PACRG: variants seen among roughly 807,000 people sequenced by gnomAD.
PACRG encodes the protein parkin coregulated gene protein.
In PACRG, 29 loss-of-function variants were observed where a neutral mutation model predicts 29.7. The ratio of observed to expected loss-of-function variants is 0.98; its 90% confidence interval spans 0.73 to 1.33. The LOEUF (loss-of-function observed/expected upper bound fraction) is 1.33. Ranked by LOEUF, PACRG falls within the 40% of genes most tolerant of loss-of-function variation. The probability of loss-of-function intolerance (pLI) is 0.00; values close to 1 mark genes in which losing one functional copy is unlikely to be tolerated. For synonymous variants in PACRG, 116 were observed against 118.7 expected (o/e 0.98, Z 0.15); for missense variants, 279 against 316.2 (o/e 0.88, Z 0.89).
intron 2 of PACRG, among the ~76,000 whole-genome samples, chr6:162,970,929 G>A (rs1313565738): frequency 6.6e-6 from 1 of 152,186 alleles, no homozygotes; most frequent in Admixed American, 6.5e-5. Flanking sequence ...CAGTGGCCAT[G>A]GGTTGTGTAA....
chr6:163,014,487 T>C (rs1169036552), intron 2 of PACRG, among the ~76,000 whole-genome samples: 1 of 149,994 alleles, frequency 6.7e-6, no homozygotes, highest in Non-Finnish European at 1.5e-5. Flanking sequence ...TGTATAAGTG[T>C]TCCCTTTTTT....
chr6:163,013,549 G>C (rs2128213410), intron 2 of PACRG, among the ~76,000 whole-genome samples: 1 of 152,158 alleles, frequency 6.6e-6, no homozygotes, highest in African/African-American at 2.4e-5. Context: ...TTATGTTTTG[G>C]ATGTCCTTCT....
At chr6:163,181,272 T>G (rs1461142174) in intron 4 of PACRG, among the ~76,000 whole-genome samples, 1 of 152,160 alleles carries the variant, frequency 6.6e-6, no homozygotes, top group Non-Finnish European at 1.5e-5. Flanking sequence ...GAATACGTGA[T>G]GCAACCTCCT....
chr6:162,886,631 T>C (rs540378110), intron 2 of PACRG, among the ~76,000 whole-genome samples: 25 of 152,266 alleles, frequency 1.6e-4, no homozygotes, highest in South Asian at 8.3e-4. Flanking sequence ...TTTTTTACAG[T>C]TTTCAAGTTA....
At position 162,728,364 on chromosome 6, in the gene PACRG, A is replaced by G. The variant is rs1779442897; in HGVS notation, c.129A>G (p.Thr43=). 4 of 1,613,358 alleles carry G rather than the reference A, an allele frequency of 2.5e-6. No homozygotes were observed. Among genetic ancestry groups the G allele is most frequent in the Non-Finnish European group, 2.5e-6 (3 of 1,180,026 alleles). ...ACTCTCTGGTTTCTGAGGGTTTCACAGTCAAAGCCATGATGAAAAACTCAG... is the reference window on the plus strand; with the variant it reads ...ACTCTCTGGTTTCTGAGGGTTTCACGGTCAAAGCCATGATGAAAAACTCAG... ...QPHSLVSEGF[T]VKAMMKNSVV... Residue 43 remains threonine (T), a synonymous_variant, in exon 1 of 5, where the codon ACA becomes ACG. Transcript: ENST00000366888.
intron 2 of PACRG, among the ~76,000 whole-genome samples, chr6:162,834,579 A>G: frequency 6.6e-6 from 1 of 151,772 alleles, no homozygotes; most frequent in East Asian, 1.9e-4. Context: ...CATCCTTATT[A>G]AAACTTGGAA....
intron 2 of PACRG, among the ~76,000 whole-genome samples, chr6:162,965,550 G>A (rs1397864515): frequency 6.6e-6 from 1 of 152,046 alleles, no homozygotes; most frequent in African/African-American, 2.4e-5. Flanking sequence ...ATTCATGAAG[G>A]GCTTAATCCT....
chr6:163,142,023 A>T (rs1287367224), intron 4 of PACRG, among the ~76,000 whole-genome samples: 1 of 152,146 alleles, frequency 6.6e-6, no homozygotes, highest in East Asian at 1.9e-4. Flanking sequence ...ACAAATTTAA[A>T]TAATTTATAT....
chr6:163,028,874 AG>A (rs1393238840), intron 2 of PACRG, among the ~76,000 whole-genome samples: 1 of 152,204 alleles, frequency 6.6e-6, no homozygotes, highest in Non-Finnish European at 1.5e-5. Context: ...CCAACTGGGG[AG>A]GGCAGGAAAA....
At chr6:162,988,139 T>C (rs1002269190) in intron 2 of PACRG, among the ~76,000 whole-genome samples, 8 of 152,282 alleles carry the variant, frequency 5.3e-5, no homozygotes, top group Non-Finnish European at 1.0e-4. Flanking sequence ...CAAAAGTCCA[T>C]GGTATGAGTC....
intron 2 of PACRG, among the ~76,000 whole-genome samples, chr6:162,998,248 T>C (rs1467287895): frequency 1.3e-5 from 2 of 152,200 alleles, no homozygotes; most frequent in Non-Finnish European, 2.9e-5. Context: ...GTCCTAGCTT[T>C]AAGCAGGAAT....
At chr6:162,987,840 T>C (rs552871182) in intron 2 of PACRG, among the ~76,000 whole-genome samples, 1 of 152,302 alleles carries the variant, frequency 6.6e-6, no homozygotes, top group Non-Finnish European at 1.5e-5. Context: ...CAAATGCTGA[T>C]TATGCTAGCA....
At chr6:162,924,009 T>C (rs1217265749) in intron 2 of PACRG, among the ~76,000 whole-genome samples, 1 of 152,128 alleles carries the variant, frequency 6.6e-6, no homozygotes, top group Non-Finnish European at 1.5e-5. Context: ...ATCCCATTCA[T>C]AAGCATGAGA....
At chr6:163,058,751 T>G (rs1427827369) in intron 2 of PACRG, among the ~76,000 whole-genome samples, 3 of 151,956 alleles carry the variant, frequency 2.0e-5, no homozygotes, top group African/African-American at 2.4e-5. Flanking sequence ...TACAAAAAAT[T>G]TAGCCAGGCG....
chr6:163,284,245 A>G (rs1210892240), intron 4 of PACRG, among the ~76,000 whole-genome samples: 1 of 152,270 alleles, frequency 6.6e-6, no homozygotes, highest in African/African-American at 2.4e-5. Context: ...GCCATCCTGC[A>G]TAAAAACAAG....
chr6:163,256,595 C>T (rs971087607), intron 4 of PACRG, among the ~76,000 whole-genome samples: 3 of 152,168 alleles, frequency 2.0e-5, no homozygotes, highest in Non-Finnish European at 2.9e-5. Flanking sequence ...GTGAGGAAAA[C>T]GTTCCAGCCC....
intron 4 of PACRG, among the ~76,000 whole-genome samples, chr6:163,276,008 C>CTTCCTTCTTTCTTTCT (rs1554239015): frequency 4.6e-4 from 65 of 140,680 alleles, no homozygotes; most frequent in African/African-American, 1.7e-3. Context: ...TCCTTCCTTC[C>CTTCCTTCTTTCTTTCT]TTCTTTCTTT....
intron 2 of PACRG, among the ~76,000 whole-genome samples, chr6:162,948,490 A>T (rs1799413620): frequency 6.6e-6 from 1 of 152,122 alleles, no homozygotes; most frequent in Admixed American, 6.6e-5. Flanking sequence ...AAACGATTTT[A>T]TGGCTAAGAC....
At chr6:162,757,500 G>A (rs954227911) in intron 1 of PACRG, among the ~76,000 whole-genome samples, 4 of 152,080 alleles carry the variant, frequency 2.6e-5, no homozygotes, top group Non-Finnish European at 5.9e-5. Flanking sequence ...CTGAGGTCAG[G>A]AGTTCGAGAC....
Sources: gnomAD v4.1 joint callset for allele counts (sites outside exome capture counted in the v4.1 genomes callset) on GRCh38, gnomAD v4.1.1 for gene constraint, MANE v1.5 for transcripts, NCBI Gene and HGNC (gene_info 2026-07-23, HGNC 2026-07-21) for gene names.